PLCE1: variants seen among roughly 807,000 people sequenced by gnomAD.
PLCE1 encodes the protein phospholipase C epsilon 1, also known as 1-phosphatidylinositol 4,5-bisphosphate phosphodiesterase epsilon-1.
Under a neutral mutation model 242.8 loss-of-function variants are expected in PLCE1, and 119 were observed. That is an observed-to-expected ratio of 0.49 (90% confidence interval 0.42 to 0.57). PLCE1 has a LOEUF of 0.57. Among genes scored for constraint, PLCE1 ranks in the 20% least tolerant of loss-of-function variants. The pLI is 0.00. For missense variants in PLCE1, 2,441 were observed against 2,788.8 expected (o/e 0.88, Z 2.81); for synonymous variants, 945 against 1,017.4 (o/e 0.93, Z 1.35).
Position 94,171,507 on chromosome 10 carries a change from A to G in PLCE1, c.1809+11A>G, listed in dbSNP as rs748732108. On this transcript the variant is annotated intron_variant, in intron 4 of 32. Coordinates refer to ENST00000371380, the MANE Select transcript of PLCE1 (RefSeq NM_016341.4). ...ATGAGGTTTAATGAGGTAAGAAGCC[A>G]CTTTTTGATGTCTTGGTATTTGACT... The G allele has an allele frequency of 2.5e-6, 4 of 1,606,090 alleles. No individual in the cohort carries two copies. Among genetic ancestry groups the G allele is most frequent in the Non-Finnish European group, 3.4e-6 (4 of 1,172,634 alleles).
intron 3 of PLCE1, chr10:94,139,137 A>G (rs1407058873): frequency 6.6e-6 from 1 of 152,506 alleles, no homozygotes; most frequent in East Asian, 1.9e-4. Flanking sequence ...AACAAAAGTT[A>G]GCTGGGCATA....
rs536970026 is a variant in PLCE1 at position 94,193,242 on chromosome 10, G to A, written c.1809+21746G>A. Among the ~76,000 whole-genome samples the A allele has an allele frequency of 3.3e-5, 5 of 152,278 alleles. No individual in the cohort carries two copies. In the South Asian group the frequency reaches 6.2e-4, roughly 19 times the overall value. The stretch of plus-strand genomic sequence containing the variant: ...GGAGGTCATGGATCACTTGGAGACC[G>A]CCAACACAATAGCCTGCAGGGATGG... On this transcript the variant is annotated intron_variant, in intron 4 of 32. Transcript: ENST00000371380.
chr10:94,104,524 T>C (rs781780105), intron 2 of PLCE1: 5 of 152,236 alleles, frequency 3.3e-5, no homozygotes, highest in Non-Finnish European at 7.3e-5. Context: ...TTTATTTTGA[T>C]GATTGATTTT....
intron 2 of PLCE1, among the ~76,000 whole-genome samples, chr10:94,095,809 G>T (rs1297086955): frequency 6.6e-6 from 1 of 152,114 alleles, no homozygotes; most frequent in African/African-American, 2.4e-5. Flanking sequence ...CAGCTATTAA[G>T]GGGTACAGGT....
intron 18 of PLCE1, among the ~76,000 whole-genome samples, chr10:94,273,138 A>G (rs1418942470): frequency 6.6e-6 from 1 of 152,164 alleles, no homozygotes; most frequent in African/African-American, 2.4e-5. Flanking sequence ...GGTTCTTTAC[A>G]CTATGTGGAC....
At chr10:94,258,985 A>T in intron 12 of PLCE1, 29 bp from the exon 13 acceptor site, 2 of 1,614,026 alleles carry the variant, frequency 1.2e-6, no homozygotes, top group Non-Finnish European at 1.7e-6. Flanking sequence ...AAGATACTCA[A>T]TGAGAGGTGT....
chr10:94,283,615 C>G, intron 20 of PLCE1, 175 bp from the exon 21 acceptor site: 1 of 601,428 alleles, frequency 1.7e-6, no homozygotes, highest in South Asian at 1.8e-5. Flanking sequence ...ATAACTGCAT[C>G]AACCCAATTT....
intron 18 of PLCE1, among the ~76,000 whole-genome samples, chr10:94,270,938 G>A (rs1422922400): frequency 6.6e-6 from 1 of 152,142 alleles, no homozygotes; most frequent in Non-Finnish European, 1.5e-5. Flanking sequence ...CCAAAGTACT[G>A]GGATTATAGG....
rs189022243 is a variant in PLCE1 at position 94,086,422 on chromosome 10, T to A, written c.1207-45752T>A. On this transcript the variant is annotated intron_variant, in intron 2 of 32. Transcript: ENST00000371380. ...CATCCACCCTTTAAAGATGGATATT[T>A]ATGACCACTGAGCATATTAGCAGTA... Among the ~76,000 whole-genome samples, 210 of 152,328 alleles carry A rather than the reference T, an allele frequency of 1.4e-3. 2 individuals carry two copies. Among genetic ancestry groups the A allele is most frequent in the African/African-American group, 4.2e-3 (173 of 41,580 alleles).
At chr10:94,132,589 T>G in intron 3 of PLCE1, 130 bp downstream of exon 3, 2 of 835,532 alleles carry the variant, frequency 2.4e-6, no homozygotes, top group Non-Finnish European at 3.9e-6. Flanking sequence ...GTCGCTTCTT[T>G]AAGAGAATAT....
intron 18 of PLCE1, among the ~76,000 whole-genome samples, 163 bp downstream of exon 18, chr10:94,270,765 G>T (rs1279948117): frequency 6.6e-6 from 1 of 152,112 alleles, no homozygotes; most frequent in Non-Finnish European, 1.5e-5. Flanking sequence ...TGCCTCTGAG[G>T]TTCAAGCGAT....
intron 21 of PLCE1, among the ~76,000 whole-genome samples, chr10:94,284,325 G>A (rs1220649996): frequency 1.3e-5 from 2 of 152,184 alleles, no homozygotes; most frequent in African/African-American, 2.4e-5. Context: ...GGCCAAGAGG[G>A]CAGCCTGGTA....
At chr10:94,155,054 C>A (rs963890613) in intron 3 of PLCE1, among the ~76,000 whole-genome samples, 5 of 151,926 alleles carry the variant, frequency 3.3e-5, no homozygotes, top group African/African-American at 1.2e-4. Flanking sequence ...ATTGGTACAA[C>A]CCCTGTAGGA....
In PLCE1 at chr10:94,306,301, T is replaced by C. The variant is rs1333370275; in HGVS notation, c.5623-126T>C. On this transcript the variant is annotated intron_variant, in intron 25 of 32. Transcript: ENST00000371380. This position sits in a 1 kb window ranked among gnomAD's most constrained non-coding sequence, Gnocchi z 5.7. The stretch of plus-strand genomic sequence containing the variant: ...TCACTTACTTTTTAAACAGTTTTAT[T>C]CATCATTCACTTTGTCCATTCCAGT... The C allele has an allele frequency of 2.0e-6, 3 of 1,521,890 alleles. No individual in the cohort carries two copies. The highest frequency in any genetic ancestry group is 2.7e-6 in the Non-Finnish European group (3 of 1,099,626). The allele number at this position is 1,521,890 out of a possible 1,614,324, so 94.3% of individuals were successfully genotyped here.
chr10:94,169,202 G>T (rs1043631448), intron 3 of PLCE1, among the ~76,000 whole-genome samples: 6 of 152,082 alleles, frequency 3.9e-5, no homozygotes, highest in African/African-American at 9.7e-5. Flanking sequence ...CTGATTTTTT[G>T]ATCAGAAGAT....
chr10:94,262,544 C>T lies in PLCE1; in HGVS notation c.3865C>T (p.Gln1289Ter). 6.2e-7 allele frequency: 1 copy of T among 1,614,042 alleles called. No individual in the cohort carries two copies. Among genetic ancestry groups the T allele is most frequent in the Non-Finnish European group, 8.5e-7 (1 of 1,179,940 alleles). ...SDLGLFIKSK[Q>*]QLSDNQRQIS... ...TTTGGGGTTGTTCATTAAGAGTAAA[C>T]AGCAGCTATCGGACAACCAGAGGCA... Residue 1289 changes from glutamine to a stop codon, truncating the protein, a stop_gained, in exon 14 of 33, where the codon CAG becomes TAG. Coordinates refer to ENST00000371380, the MANE Select transcript of PLCE1 (RefSeq NM_016341.4). LOFTEE classifies it high-confidence loss of function.
intron 2 of PLCE1, among the ~76,000 whole-genome samples, chr10:94,112,943 A>G (rs183962763): frequency 2.7e-4 from 41 of 152,324 alleles, no homozygotes; most frequent in Admixed American, 2.2e-3. Flanking sequence ...GGTACCTACT[A>G]TGTGCCTGGT....
intron 3 of PLCE1, among the ~76,000 whole-genome samples, chr10:94,148,939 G>A (rs1052555527): frequency 2.0e-5 from 3 of 152,128 alleles, no homozygotes; most frequent in African/African-American, 7.2e-5. Flanking sequence ...AGAAGAGTTG[G>A]CTGCCATGGC....
At chr10:94,270,713 A>G in intron 18 of PLCE1, 111 bp downstream of exon 18, 1 of 774,426 alleles carries the variant, frequency 1.3e-6, no homozygotes. Context: ...TCTCTCACCC[A>G]GGCTGGAGTG....
Sources: gnomAD v4.1 joint callset for allele counts (sites outside exome capture counted in the v4.1 genomes callset) on GRCh38, gnomAD v4.1.1 for gene constraint, Gnocchi (gnomAD v3.1) non-coding constraint, MANE v1.5 for transcripts, NCBI Gene and HGNC (gene_info 2026-07-23, HGNC 2026-07-21) for gene names.